Variants in ACSM3 observed in about 807,000 individuals in gnomAD.
ACSM3 encodes acyl-coenzyme A synthetase ACSM3, mitochondrial.
ACSM3 carries 61 observed loss-of-function variants against 74.1 expected under a neutral mutation model. The observed-to-expected ratio is 0.82, with a 90% CI of 0.67 to 1.02. ACSM3 has a LOEUF of 1.02. ACSM3 is among the 50% of genes least tolerant of loss of function. The pLI is 0.00. For missense variants in ACSM3, 660 were observed against 697.0 expected (o/e 0.95, Z 0.60); for synonymous variants, 213 against 241.5 (o/e 0.88, Z 1.09).
intron 1 of ACSM3, among the ~76,000 whole-genome samples, chr16:20,694,831 A>C (rs1266266849): frequency 1.3e-5 from 2 of 152,204 alleles, no homozygotes; most frequent in African/African-American, 4.8e-5. Context: ...GGTGGGCCCT[A>C]ATCCAATATG....
At chr16:20,738,241 T>C (rs772909946) in intron 1 of ACSM3, 57 of 491,256 alleles carry the variant, frequency 1.2e-4, no homozygotes, top group African/African-American at 7.8e-4. Context: ...TCCTGAGTTA[T>C]CCAACCGTAA....
chr16:20,792,406 A>T, intron 12 of ACSM3, 71 bp downstream of exon 12: 1 of 1,588,864 alleles, frequency 6.3e-7, no homozygotes, highest in Non-Finnish European at 8.6e-7. Context: ...ACAGTAGCTC[A>T]GTGAAACAGA....
At chr16:20,753,023 A>G (rs566244449) in intron 2 of ACSM3, among the ~76,000 whole-genome samples, 71 of 152,326 alleles carry the variant, frequency 4.7e-4, no homozygotes, top group African/African-American at 1.6e-3. Context: ...ACAATGCCGT[A>G]TGTTCTACAA....
At chr16:20,685,058 G>C (rs924249415) in intron 1 of ACSM3, 2 of 857,888 alleles carry the variant, frequency 2.3e-6, no homozygotes, top group Non-Finnish European at 3.7e-6. Flanking sequence ...TTGCTTTGTG[G>C]TCCCAGCACA....
chr16:20,741,481 G>GGGGGGGGGCC, intron 1 of ACSM3: 6 of 1,308,408 alleles, frequency 4.6e-6, no homozygotes, highest in Non-Finnish European at 4.9e-6. Context: ...CTGGCAGCCG[G>GGGGGGGGGCC]CCCGCCCGCC....
chr16:20,704,179 C>T (rs2079720801), intron 1 of ACSM3, among the ~76,000 whole-genome samples: 1 of 152,108 alleles, frequency 6.6e-6, no homozygotes, highest in African/African-American at 2.4e-5. Context: ...TGGGTTTAGG[C>T]AGCTATATAA....
At chr16:20,692,411 C>A (rs113590336) in intron 1 of ACSM3, among the ~76,000 whole-genome samples, 2,197 of 152,208 alleles carry the variant, frequency 0.014, 54 homozygotes, top group African/African-American at 0.05. Context: ...CATTTTGTGG[C>A]TGACAATTGG....
At position 20,717,756 on chromosome 16, in the gene ACSM3, A is replaced by G. The variant is rs1484504025; in HGVS notation, c.-189-32154A>G. On this transcript the variant is annotated intron_variant, in intron 1 of 3. Coordinates refer to the ACSM3 transcript ENST00000561584. The stretch of plus-strand genomic sequence containing the variant: ...TAAAATGCATGTCCTTTTGTTATTA[A>G]TATTGAAAGTTATCTTGGCTATTTA... Among the ~76,000 whole-genome samples, 4 of 152,046 alleles carry G rather than the reference A, an allele frequency of 2.6e-5. No homozygotes were observed. In the East Asian group the frequency reaches 7.7e-4, roughly 29 times the overall value.
At chr16:20,762,138 A>C (rs1461604247), upstream of ACSM3, among the ~76,000 whole-genome samples, 1 of 152,088 alleles carries the variant, frequency 6.6e-6, no homozygotes, top group African/African-American at 2.4e-5. Context: ...CTGCTCAAAA[A>C]CTTGCCTCAG....
chr16:20,712,643 C>G (rs1255434175), intron 1 of ACSM3, among the ~76,000 whole-genome samples: 4 of 151,722 alleles, frequency 2.6e-5, no homozygotes, highest in Admixed American at 1.3e-4. Flanking sequence ...CAGTGGCTCA[C>G]ACCTGTAATC....
At chr16:20,792,605 G>A in intron 12 of ACSM3, 2 of 985,456 alleles carry the variant, frequency 2.0e-6, no homozygotes, top group Non-Finnish European at 2.4e-6. Flanking sequence ...CAAAGATGGT[G>A]TGAATGCCAG....
chr16:20,797,031 A>G lies in ACSM3; in HGVS notation c.*59A>G. The G allele has an allele frequency of 6.3e-7, 1 of 1,585,848 alleles. No individual in the cohort carries two copies. Among genetic ancestry groups the G allele is most frequent in the Non-Finnish European group, 8.6e-7 (1 of 1,169,584 alleles). ...AACATAGTATCTGTCAATCTCTAGA[A>G]ACCACAAGATGATGGAGAGGTCATA... On this transcript the variant is annotated 3_prime_UTR_variant, in exon 14 of 14. Coordinates refer to ENST00000289416, the MANE Select transcript of ACSM3 (RefSeq NM_005622.4).
intron 1 of ACSM3, chr16:20,727,364 G>C: frequency 1.7e-6 from 1 of 589,176 alleles, no homozygotes; most frequent in Non-Finnish European, 3.2e-6. Context: ...AGAGGCTGCG[G>C]CACTGCTTGA....
At chr16:20,704,396 C>T (rs11648920) in intron 1 of ACSM3, among the ~76,000 whole-genome samples, 19,615 of 152,186 alleles carry the variant, frequency 0.13, 1,339 homozygotes, top group East Asian at 0.21. Context: ...CTTAGATGCA[C>T]CTGGATCTAA....
At chr16:20,684,212 C>T (rs1276990831) in intron 1 of ACSM3, among the ~76,000 whole-genome samples, 1 of 152,030 alleles carries the variant, frequency 6.6e-6, no homozygotes, top group Non-Finnish European at 1.5e-5. Context: ...AGAAAATTTC[C>T]ATGTAAAACC....
At chr16:20,733,092 TG>T (rs2079840712) in intron 1 of ACSM3, 1 of 152,484 alleles carries the variant, frequency 6.6e-6, no homozygotes, top group Admixed American at 6.5e-5. Context: ...AGATCCTTCC[TG>T]GTTTAAGTTT....
chr16:20,723,668 T>C (rs1173741464), intron 1 of ACSM3, among the ~76,000 whole-genome samples: 1 of 152,236 alleles, frequency 6.6e-6, no homozygotes, highest in Non-Finnish European at 1.5e-5. Context: ...GTTTTTTGGC[T>C]GCATAAATGT....
chr16:20,747,320 C>A (rs1431020318), intron 1 of ACSM3, among the ~76,000 whole-genome samples: 3 of 152,122 alleles, frequency 2.0e-5, no homozygotes, highest in African/African-American at 7.2e-5. Context: ...CCTGTTTTTC[C>A]CTTCTGTACA....
intron 1 of ACSM3, among the ~76,000 whole-genome samples, chr16:20,715,959 C>T (rs2079760188): frequency 6.6e-6 from 1 of 152,166 alleles, no homozygotes; most frequent in South Asian, 2.1e-4. Context: ...GTCAGGCTGG[C>T]TGCCAGCTGA....
Sources: gnomAD v4.1 joint callset for allele counts (sites outside exome capture counted in the v4.1 genomes callset) on GRCh38, gnomAD v4.1.1 for gene constraint, MANE v1.5 for transcripts, NCBI Gene and HGNC (gene_info 2026-07-23, HGNC 2026-07-21) for gene names.